Variants in MTUS2 observed in about 807,000 individuals in gnomAD.
The protein encoded by MTUS2 is microtubule-associated tumor suppressor candidate 2.
In MTUS2, 40 loss-of-function variants were observed where a neutral mutation model predicts 114.1. The observed-to-expected ratio is 0.35, with a 90% CI of 0.27 to 0.46. MTUS2 has a LOEUF of 0.46. Ranked by LOEUF, MTUS2 falls within the 20% of genes least tolerant of loss-of-function variation. The pLI is 1.00. For synonymous variants in MTUS2, 688 were observed against 672.0 expected, an observed-to-expected ratio of 1.02 and a Z score of -0.37; for missense variants, 1,679 against 1,705.4, an observed-to-expected ratio of 0.98 and a Z score of 0.27.
chr13:29,057,716 A>G (rs1888204076), intron 4 of MTUS2, among the ~76,000 whole-genome samples: 1 of 152,146 alleles, frequency 6.6e-6, no homozygotes, highest in Non-Finnish European at 1.5e-5. Context: ...GGTCTCTTGT[A>G]GACAGCATAC....
rs531724695 is a variant in MTUS2 at position 29,466,926 on chromosome 13, A to C, written c.3185-13224A>C. ...AGAAAGAAAGAGAGGTGCCTTCCAC[A>C]TCCTGTGGAAAATATGCTTTGCATT... On this transcript the variant is annotated intron_variant, in intron 9 of 15. Transcript: ENST00000612955. Among the ~76,000 whole-genome samples the C allele has an allele frequency of 4.6e-5, 7 of 151,920 alleles. No homozygotes were observed. The South Asian group carries it at 1.2e-3, about 27-fold the overall frequency.
chr13:29,371,970 A>ACCCACCCCCCCCCC (rs1871218039), intron 8 of MTUS2, among the ~76,000 whole-genome samples: 1 of 11,534 alleles, frequency 8.7e-5, no homozygotes, highest in Non-Finnish European at 2.6e-4. Flanking sequence ...AGTGTCCTCA[A>ACCCACCCCCCCCCC]CCCCCGCCCC....
intron 2 of MTUS2, among the ~76,000 whole-genome samples, chr13:28,853,606 A>G (rs765808448): frequency 6.6e-6 from 1 of 152,204 alleles, no homozygotes; most frequent in Non-Finnish European, 1.5e-5. Context: ...GCATATGTGT[A>G]TGGGATTAAG....
chr13:29,191,427 C>G (rs1894444548), intron 5 of MTUS2, among the ~76,000 whole-genome samples: 1 of 152,054 alleles, frequency 6.6e-6, no homozygotes, highest in Admixed American at 6.5e-5. Flanking sequence ...AAAGCAGACC[C>G]CAGAGCTTGT....
intron 5 of MTUS2, among the ~76,000 whole-genome samples, chr13:29,211,742 G>T (rs542839411): frequency 6.6e-6 from 1 of 152,064 alleles, no homozygotes; most frequent in East Asian, 1.9e-4. Context: ...GTGAGGATGT[G>T]TGTTTGGGGG....
intron 6 of MTUS2, among the ~76,000 whole-genome samples, chr13:29,313,986 T>G (rs1157484552): frequency 1.3e-5 from 2 of 152,106 alleles, no homozygotes; most frequent in African/African-American, 4.8e-5. Flanking sequence ...TGAAGAAATC[T>G]TCAGCTTTGG....
intron 4 of MTUS2, among the ~76,000 whole-genome samples, chr13:29,066,448 A>C (rs796796939): frequency 3.8e-4 from 58 of 152,308 alleles, no homozygotes; most frequent in African/African-American, 1.3e-3. Context: ...AGGTCCTGAG[A>C]TGTTTTGGAG....
intron 8 of MTUS2, among the ~76,000 whole-genome samples, chr13:29,403,881 T>TACTCTTCCTC (rs1874546276): frequency 6.6e-6 from 1 of 152,080 alleles, no homozygotes; most frequent in Admixed American, 6.6e-5. Context: ...CTGCCTTCCT[T>TACTCTTCCTC]ACTCTTCCTC....
At chr13:29,244,753 G>A (rs1021633202) in intron 5 of MTUS2, among the ~76,000 whole-genome samples, 8 of 151,482 alleles carry the variant, frequency 5.3e-5, no homozygotes, top group East Asian at 1.9e-4. Context: ...TCAGGAGATC[G>A]AGACCATCCC....
chr13:29,500,094 C>T (rs1018484509), intron 14 of MTUS2, among the ~76,000 whole-genome samples: 1 of 152,246 alleles, frequency 6.6e-6, no homozygotes, highest in African/African-American at 2.4e-5. Context: ...TGCATTGGGT[C>T]ACCAGCAAAC....
At chr13:28,852,406 GA>G (rs1049758236) in intron 2 of MTUS2, among the ~76,000 whole-genome samples, 1 of 151,850 alleles carries the variant, frequency 6.6e-6, no homozygotes, top group African/African-American at 2.4e-5. Context: ...ATATCTGTTA[GA>G]AAAAAAAGTG....
At position 29,311,149 on chromosome 13, in the gene MTUS2, G is replaced by A. The variant is rs142066120; in HGVS notation, c.2807-13464G>A. Among the ~76,000 whole-genome samples the A allele has an allele frequency of 1.9e-3, 292 of 152,296 alleles. 1 individual carries two copies. The highest frequency in any genetic ancestry group is 5.0e-3 in the African/African-American group (207 of 41,558). On this transcript the variant is annotated intron_variant, in intron 6 of 15. Transcript: ENST00000612955. ...ATCCAGACAGTGTGGTTTCATCCACGTCAAGTTTGTAAACAGACTTCAGGA... is the reference window on the plus strand; with the variant it reads ...ATCCAGACAGTGTGGTTTCATCCACATCAAGTTTGTAAACAGACTTCAGGA...
At chr13:29,113,849 A>G (rs969214640) in intron 5 of MTUS2, among the ~76,000 whole-genome samples, 5 of 152,060 alleles carry the variant, frequency 3.3e-5, no homozygotes, top group African/African-American at 4.8e-5. Flanking sequence ...TCATATTGAA[A>G]TGTAATCCCC....
At chr13:29,234,235 G>C (rs1180804630) in intron 5 of MTUS2, among the ~76,000 whole-genome samples, 5 of 152,070 alleles carry the variant, frequency 3.3e-5, no homozygotes, top group African/African-American at 1.2e-4. Context: ...ATTCTGTGCA[G>C]GCCAGGTGTT....
At chr13:28,973,934 A>G (rs1883970716) in intron 2 of MTUS2, among the ~76,000 whole-genome samples, 1 of 152,186 alleles carries the variant, frequency 6.6e-6, no homozygotes, top group Non-Finnish European at 1.5e-5. Context: ...GAGGGTGAAA[A>G]TGTAGGTGCC....
At chr13:29,338,608 A>C (rs1901212339) in intron 7 of MTUS2, among the ~76,000 whole-genome samples, 1 of 152,120 alleles carries the variant, frequency 6.6e-6, no homozygotes, top group African/African-American at 2.4e-5. Context: ...AAAAAAAACA[A>C]AGTTGCATAA....
At chr13:29,157,829 G>A (rs1174101219) in intron 5 of MTUS2, among the ~76,000 whole-genome samples, 2 of 152,050 alleles carry the variant, frequency 1.3e-5, no homozygotes, top group Non-Finnish European at 2.9e-5. Context: ...TGTAGATATA[G>A]ATATAGATAT....
chr13:29,492,486 A>G (rs1882259374), intron 11 of MTUS2, among the ~76,000 whole-genome samples, 160 bp from the exon 12 acceptor site: 1 of 152,044 alleles, frequency 6.6e-6, no homozygotes, highest in African/African-American at 2.4e-5. Flanking sequence ...TGGTCATGAC[A>G]TACAATTTCA....
At position 29,134,720 on chromosome 13, in the gene MTUS2, CCCG is replaced by C. The variant is rs1207250105; in HGVS notation, c.2644+33751_2644+33753del. On this transcript the variant is annotated intron_variant, in intron 5 of 15. Coordinates refer to ENST00000612955, the MANE Select transcript of MTUS2 (RefSeq NM_001033602.4). ...TCAAGCAATTATCCCGCCTTAGCTT[CCCG>C]AGTAGCTGGGATTACAGGCATCCGC... Among the ~76,000 whole-genome samples, 5 of 152,170 alleles carry C rather than the reference CCCG, an allele frequency of 3.3e-5. No individual in the cohort carries two copies. The East Asian group carries it at 5.8e-4, about 18-fold the overall frequency.
Sources: gnomAD v4.1 joint callset for allele counts (sites outside exome capture counted in the v4.1 genomes callset) on GRCh38, gnomAD v4.1.1 for gene constraint, MANE v1.5 for transcripts, NCBI Gene and HGNC (gene_info 2026-07-23, HGNC 2026-07-21) for gene names.